Variants in ATG10 observed in about 807,000 individuals in gnomAD.
The protein encoded by ATG10 is autophagy related 10.
ATG10 carries 30 observed loss-of-function variants against 32.1 expected under a neutral mutation model. The observed-to-expected ratio is 0.94, with a 90% CI of 0.70 to 1.27. The LOEUF (loss-of-function observed/expected upper bound fraction) is 1.27, where lower values mean the gene tolerates loss of function less well. Ranked by LOEUF, ATG10 falls within the 50% of genes most tolerant of loss-of-function variation. The probability of loss-of-function intolerance (pLI) is 0.00; values close to 1 mark genes in which losing one functional copy is unlikely to be tolerated. For synonymous variants in ATG10, 87 were observed against 91.5 expected (o/e 0.95, Z 0.28); for missense variants, 233 against 262.3 (o/e 0.89, Z 0.77).
chr5:82,064,884 A>G (rs988585632), intron 3 of ATG10, among the ~76,000 whole-genome samples: 4 of 152,160 alleles, frequency 2.6e-5, no homozygotes. Flanking sequence ...ATTCATTTCA[A>G]CTCATGATAT....
intron 5 of ATG10, among the ~76,000 whole-genome samples, chr5:82,240,659 T>C (rs1304424543): frequency 3.3e-5 from 5 of 152,164 alleles, no homozygotes; most frequent in Admixed American, 6.5e-5. Context: ...AGAGTAGATT[T>C]GGAATGTTCC....
At chr5:82,033,951 T>G (rs1387467935) in intron 2 of ATG10, among the ~76,000 whole-genome samples, 1 of 147,428 alleles carries the variant, frequency 6.8e-6, no homozygotes, top group Non-Finnish European at 1.5e-5. Context: ...ACTATGTATA[T>G]GTATATATAC....
intron 4 of ATG10, among the ~76,000 whole-genome samples, chr5:82,177,191 CA>C (rs796512638): frequency 5.3e-5 from 8 of 152,196 alleles, no homozygotes; most frequent in African/African-American, 1.9e-4. Flanking sequence ...CTCAAAAGAA[CA>C]ATACCCAGAA....
chr5:82,211,775 C>G (rs990136542), intron 5 of ATG10, among the ~76,000 whole-genome samples: 1 of 152,218 alleles, frequency 6.6e-6, no homozygotes, highest in Admixed American at 6.5e-5. Flanking sequence ...TAGCGTCCCC[C>G]AACTTCATTG....
In ATG10 at chr5:82,185,540, C is replaced by T. The variant is rs115880044; in HGVS notation, c.453+6953C>T. On this transcript the variant is annotated intron_variant, in intron 5 of 7. Coordinates refer to ENST00000282185, the MANE Select transcript of ATG10 (RefSeq NM_031482.5). Reference sequence around the variant, plus strand: ...ACCACTGAGTTCCTTTTGAAGACTTCGGAATGCCTAAAACATGCAAAAACA... The same window carrying T: ...ACCACTGAGTTCCTTTTGAAGACTTTGGAATGCCTAAAACATGCAAAAACA... 5.3e-3 allele frequency among the ~76,000 whole-genome samples: 802 copies of T among 152,084 alleles called. 6 individuals carry two copies. Among genetic ancestry groups the T allele is most frequent in the African/African-American group, 0.018 (751 of 41,490 alleles).
At chr5:82,140,198 G>GA (rs1561321499) in intron 3 of ATG10, among the ~76,000 whole-genome samples, 3 of 56,530 alleles carry the variant, frequency 5.3e-5, no homozygotes, top group Admixed American at 1.5e-4. Flanking sequence ...GAGGTGGGGG[G>GA]GTCAGCCCCC....
intron 5 of ATG10, among the ~76,000 whole-genome samples, chr5:82,223,565 G>A (rs1257061600): frequency 6.6e-6 from 1 of 152,132 alleles, no homozygotes; most frequent in African/African-American, 2.4e-5. Context: ...TTTAGTGGTG[G>A]TGTATATAAA....
intron 5 of ATG10, among the ~76,000 whole-genome samples, chr5:82,190,206 A>G (rs1041924143): frequency 3.9e-5 from 6 of 152,182 alleles, no homozygotes; most frequent in Admixed American, 2.6e-4. Context: ...TGAAAAAATA[A>G]TATATACTGA....
At chr5:82,148,580 A>G (rs1318057321) in intron 3 of ATG10, among the ~76,000 whole-genome samples, 1 of 152,156 alleles carries the variant, frequency 6.6e-6, no homozygotes, top group African/African-American at 2.4e-5. Flanking sequence ...TATCCCCTCA[A>G]GCTACCTGTA....
At chr5:82,150,504 G>A (rs963399064) in intron 3 of ATG10, among the ~76,000 whole-genome samples, 7 of 152,316 alleles carry the variant, frequency 4.6e-5, no homozygotes, top group Admixed American at 1.3e-4. Context: ...TCTGTTGAAT[G>A]TTGATTTATC....
rs1762480622 is a variant in ATG10, at chr5:82,022,796, G to T, written c.108+35118G>T. On this transcript the variant is annotated intron_variant, in intron 2 of 7. Transcript: ENST00000282185. ...TAGGCTTAGAGAAAGTAAATGATTT[G>T]TCCAGGTTACATAGTATTTATGTTC... Among the ~76,000 whole-genome samples the T allele has an allele frequency of 3.9e-5, 6 of 151,952 alleles. No individual in the cohort carries two copies. The South Asian group carries it at 1.2e-3, about 32-fold the overall frequency.
intron 3 of ATG10, among the ~76,000 whole-genome samples, chr5:82,077,981 T>G: frequency 6.6e-6 from 1 of 152,222 alleles, no homozygotes; most frequent in East Asian, 1.9e-4. Context: ...AAGGTCTTAG[T>G]GCATTGGGAT....
chr5:82,179,386 T>C (rs894702103), intron 5 of ATG10, among the ~76,000 whole-genome samples: 2 of 152,134 alleles, frequency 1.3e-5, no homozygotes, highest in Non-Finnish European at 2.9e-5. Context: ...TAAGTTGGCT[T>C]ATATATTAAG....
At chr5:82,147,165 C>T (rs992831518) in intron 3 of ATG10, 4 of 195,746 alleles carry the variant, frequency 2.0e-5, no homozygotes, top group African/African-American at 7.2e-5. Context: ...TACTCCTAAA[C>T]TTTTTCTCTT....
intron 3 of ATG10, among the ~76,000 whole-genome samples, chr5:82,155,283 C>T (rs1767759224): frequency 6.6e-6 from 1 of 151,940 alleles, no homozygotes; most frequent in African/African-American, 2.4e-5. Flanking sequence ...AATGTAACAT[C>T]CTAAGACAGG....
chr5:82,176,495 T>C (rs1744031710), intron 4 of ATG10, among the ~76,000 whole-genome samples: 1 of 152,212 alleles, frequency 6.6e-6, no homozygotes, highest in Non-Finnish European at 1.5e-5. Context: ...CATGTCGTTC[T>C]GTAATTTGAT....
At chr5:82,154,786 A>G (rs1246142018) in intron 3 of ATG10, among the ~76,000 whole-genome samples, 1 of 152,242 alleles carries the variant, frequency 6.6e-6, no homozygotes, top group Non-Finnish European at 1.5e-5. Flanking sequence ...CGTCATAGAT[A>G]CTTGTGGAAA....
chr5:81,979,634 T>TG (rs927591278), intron 1 of ATG10, among the ~76,000 whole-genome samples: 1 of 152,082 alleles, frequency 6.6e-6, no homozygotes, highest in Admixed American at 6.5e-5. Context: ...TGGCATTTGT[T>TG]GCAGTGGGTG....
chr5:82,115,384 A>G (rs1295414043), intron 3 of ATG10, among the ~76,000 whole-genome samples: 1 of 152,112 alleles, frequency 6.6e-6, no homozygotes, highest in Admixed American at 6.6e-5. Flanking sequence ...GCTGGAGAGT[A>G]GATGAGATAG....
Sources: allele counts gnomAD v4.1 joint callset (sites outside exome capture counted in the v4.1 genomes callset), GRCh38; gene constraint gnomAD v4.1.1; transcripts MANE v1.5; gene names NCBI Gene and HGNC (gene_info 2026-07-23, HGNC 2026-07-21).